The following WDR3 variants were observed in gnomAD, a reference collection of about 807,000 sequenced individuals.
WDR3 encodes the protein WD repeat domain 3.
A neutral mutation model predicts 123.7 loss-of-function variants in WDR3; 81 were observed. That is an observed-to-expected ratio of 0.65 (90% confidence interval 0.55 to 0.79). The LOEUF is 0.79. Ranked by LOEUF, WDR3 falls within the 30% of genes least tolerant of loss-of-function variation. The pLI, the probability that WDR3 is intolerant of heterozygous loss-of-function variation, is 0.00. For synonymous variants in WDR3, 390 were observed against 388.8 expected (o/e 1.00, Z -0.04); for missense variants, 1,027 against 1,123.2 (o/e 0.91, Z 1.22).
chr1:117,936,840 C>T lies in WDR3; in HGVS notation c.453C>T (p.Ala151=). ...ACCGTCTAAAGGGGCACAAGGATGC[C>T]ATCACACAAGCATTGTTTCTACGAG... is the stretch of plus-strand genomic sequence containing the variant. The part of the protein sequence containing the change: ...GLYRLKGHKD[A]ITQALFLREK... Residue 151 remains alanine (A), a synonymous_variant, in exon 4 of 27, where the codon GCC becomes GCT. Transcript: ENST00000349139. 1.2e-6 allele frequency: 2 copies of T among 1,613,444 alleles called. No individual in the cohort carries two copies. Among genetic ancestry groups the T allele is most frequent in the South Asian group, 1.1e-5 (1 of 91,026 alleles).
rs147355005 is a variant in WDR3, at chr1:117,959,342, C to T, written c.2727C>T (p.Cys909=). The T allele has an allele frequency of 2.7e-4, 432 of 1,613,338 alleles. 3 individuals are homozygous for T. In the African/African-American group the frequency reaches 4.7e-3, roughly 18 times the overall value. ...MAGLDYLKRE[C]EAKSEVMFFA... The stretch of plus-strand genomic sequence containing the variant: ...GTCTTGATTATCTCAAGAGGGAATG[C>T]GAGGCAAAAAGTGAAGTTATGTTTT... The change falls in exon 27 of 27, where the codon TGC becomes TGT. Residue 909 remains cysteine, a synonymous_variant. Transcript: ENST00000349139.
rs139595449 is a variant in WDR3, at chr1:117,955,323, T to G, written c.2418T>G (p.Ala806=). ...LMAYGSISPS[A]YVLEIFKGIK... ...TAATCCTTCCTTTATAGCCTTCAGC[T>G]TATGTATTAGAGATTTTTAAAGGGA... The change falls in exon 24 of 27, where the codon GCT becomes GCG. Residue 806 remains alanine, a synonymous_variant. Transcript: ENST00000349139. 2.5e-5 allele frequency: 41 copies of G among 1,612,096 alleles called. No individual in the cohort carries two copies. Among genetic ancestry groups the G allele is most frequent in the Non-Finnish European group, 3.5e-5 (41 of 1,178,800 alleles).
intron 12 of WDR3, among the ~76,000 whole-genome samples, chr1:117,947,578 G>T (rs944392161): frequency 1.3e-5 from 2 of 152,076 alleles, no homozygotes; most frequent in African/African-American, 4.8e-5. Context: ...TGCAATTGTC[G>T]GCTTACTGGC....
intron 24 of WDR3, 82 bp downstream of exon 24, chr1:117,955,440 A>G: frequency 7.8e-7 from 1 of 1,281,240 alleles, no homozygotes; most frequent in South Asian, 1.3e-5. Context: ...AATAAATAGA[A>G]ATTATAATTG....
Position 117,962,882 on chromosome 1 carries a change from A to C in WDR3, c.*3435A>C, listed in dbSNP as rs74715265. 0.034 allele frequency: 5,131 copies of C among 152,324 alleles called. 117 individuals are homozygous for C. The highest frequency in any genetic ancestry group is 0.051 in the Non-Finnish European group (3,474 of 68,050). 9.4% of individuals were successfully genotyped at this position (152,324 alleles called of 1,614,324 possible). A position where few individuals can be genotyped will look rare whatever the true frequency, so the allele number is the denominator to read the frequency against. ...TGAGCCTGCTCAATGCAGCCTTTTCAGGCCAGATTAGTCTTCAGAAAGAGA... is the reference window on the plus strand; with the variant it reads ...TGAGCCTGCTCAATGCAGCCTTTTCCGGCCAGATTAGTCTTCAGAAAGAGA... On this transcript the variant is annotated 3_prime_UTR_variant, in exon 27 of 27. Transcript: ENST00000349139.
At chr1:117,935,343 G>A (rs937795183) in intron 3 of WDR3, among the ~76,000 whole-genome samples, 2 of 151,970 alleles carry the variant, frequency 1.3e-5, no homozygotes, top group African/African-American at 2.4e-5. Flanking sequence ...AAAAGCAAAG[G>A]AATTGGAAAC....
chr1:117,941,037 G>T (rs1309378155), intron 7 of WDR3, 87 bp from the exon 8 acceptor site: 7 of 1,576,768 alleles, frequency 4.4e-6, no homozygotes, highest in African/African-American at 1.4e-5. Context: ...GAATATTTTT[G>T]TCACTTGCAC....
chr1:117,942,427 T>C lies in WDR3; in HGVS notation c.990-10T>C. ...ATAAGAGCATGATATACTTTTCTTC[T>C]TCCCTCTAGATTACATTCTAGCAAA... On this transcript the variant is annotated splice_polypyrimidine_tract_variant and intron_variant, in intron 9 of 26. Transcript: ENST00000349139. The C allele has an allele frequency of 6.2e-7, 1 of 1,609,574 alleles. No individual in the cohort carries two copies. Among genetic ancestry groups the C allele is most frequent in the Non-Finnish European group, 8.5e-7 (1 of 1,176,616 alleles).
Position 117,929,750 on chromosome 1 carries a change from G to T in WDR3, c.-65G>T, listed in dbSNP as rs1490803155. On this transcript the variant is annotated 5_prime_UTR_variant, in exon 1 of 27. Transcript: ENST00000349139. ...CGGAAGGGGCAGGTCTTGTGGGCGG[G>T]TCCAATCGGCTGGGAGCCTCGTGGA... 1 of 152,410 alleles carries T rather than the reference G, an allele frequency of 6.6e-6. No individual in the cohort carries two copies. 9.4% of individuals were successfully genotyped at this position (152,410 alleles called of 1,614,324 possible).
chr1:117,944,864 G>A (rs1651313499), intron 11 of WDR3, among the ~76,000 whole-genome samples: 1 of 152,030 alleles, frequency 6.6e-6, no homozygotes, highest in South Asian at 2.1e-4. Context: ...ACCACGCCTG[G>A]CTAATTTTTG....
chr1:117,932,753 C>T (rs886611740), intron 1 of WDR3, among the ~76,000 whole-genome samples: 43 of 152,196 alleles, frequency 2.8e-4, no homozygotes, highest in African/African-American at 9.6e-4. Flanking sequence ...GGCATGACAA[C>T]GTGACTAATT....
chr1:117,958,820 C>G, intron 25 of WDR3, 90 bp from the exon 26 acceptor site: 43 of 544,316 alleles, frequency 7.9e-5, no homozygotes, highest in Non-Finnish European at 9.2e-5. Context: ...TTTGTTGTTG[C>G]TTTGATATTG....
chr1:117,957,795 T>A (rs1273586322), intron 25 of WDR3, among the ~76,000 whole-genome samples: 1 of 152,226 alleles, frequency 6.6e-6, no homozygotes, highest in African/African-American at 2.4e-5. Flanking sequence ...AGGATGGACA[T>A]TCCTGTTTTA....
In WDR3 at chr1:117,940,838, G is replaced by T. The variant is rs147020548; in HGVS notation, c.687G>T (p.Pro229=). 24 of 1,611,342 alleles carry T rather than the reference G, an allele frequency of 1.5e-5. No homozygotes were observed. The highest frequency in any genetic ancestry group is 1.2e-4 in the African/African-American group (9 of 74,646). The change falls in exon 7 of 27, where the codon CCG becomes CCT. Residue 229 remains proline (P), a synonymous_variant. Coordinates refer to ENST00000349139, the MANE Select transcript of WDR3 (RefSeq NM_006784.3). ...TTTTTATAAAACAGATTGAAGACCC[G>T]GAAGAACCAGACCCCAAGAAAATCA... The part of the protein sequence containing the change: ...DIAYLQEIED[P]EEPDPKKIKG...
chr1:117,948,520 AT>A lies in WDR3; in HGVS notation c.1524+18del. ...TCTCCAGATCAGGTAACTAAACCAG[AT>A]TTTAAAGCCCTGGAGTTCAGCCCTG... On this transcript the variant is annotated intron_variant, in intron 13 of 26. Transcript: ENST00000349139. 1.2e-6 allele frequency: 2 copies of A among 1,603,390 alleles called. No homozygotes were observed. Among genetic ancestry groups the A allele is most frequent in the Non-Finnish European group, 1.7e-6 (2 of 1,173,510 alleles).
Position 117,938,463 on chromosome 1 carries a change from C to T in WDR3, c.501-17C>T, listed in dbSNP as rs750216301. 6.8e-6 allele frequency: 11 copies of T among 1,606,292 alleles called. No individual in the cohort carries two copies. Among genetic ancestry groups the T allele is most frequent in the East Asian group, 2.2e-5 (1 of 44,726 alleles). On this transcript the variant is annotated splice_polypyrimidine_tract_variant and intron_variant, in intron 4 of 26. Transcript: ENST00000349139. ...TCCTAAACAGGCTATATATTTTTTT[C>T]CTGTTTCTTCTTTTAGTGGGAAAGA...
At position 117,966,515 on chromosome 1, in the gene WDR3, A is replaced by C; in HGVS notation, c.*7068A>C. ...TAACTCTGATTTTGAAGATAGAATT[A>C]ATAAAGTAGAGATGCATTTTGACTT... On this transcript the variant is annotated 3_prime_UTR_variant, in exon 27 of 27. Coordinates refer to ENST00000349139, the MANE Select transcript of WDR3 (RefSeq NM_006784.3). 2 of 1,168,256 alleles carry C rather than the reference A, an allele frequency of 1.7e-6. No homozygotes were observed. Among genetic ancestry groups the C allele is most frequent in the Non-Finnish European group, 2.3e-6 (2 of 858,972 alleles). 72.4% of individuals were successfully genotyped at this position (1,168,256 alleles called of 1,614,324 possible).
chr1:117,949,670 T>A, intron 13 of WDR3, 81 bp from the exon 14 acceptor site: 4 of 1,468,668 alleles, frequency 2.7e-6, no homozygotes, highest in Non-Finnish European at 3.7e-6. Context: ...AAAAATACTT[T>A]CTTAGACTTT....
Position 117,963,814 on chromosome 1 carries a change from T to A in WDR3, c.*4367T>A. On this transcript the variant is annotated 3_prime_UTR_variant, in exon 27 of 27. Coordinates refer to ENST00000349139, the MANE Select transcript of WDR3 (RefSeq NM_006784.3). ...CTTACTGTACCTAATGTGGAGAAAC[T>A]TTACGAGACATGAAGACTCCAAGTG... 6.2e-7 allele frequency: 1 copy of A among 1,612,848 alleles called. No individual in the cohort carries two copies. The highest frequency in any genetic ancestry group is 8.5e-7 in the Non-Finnish European group (1 of 1,179,382).
Sources: allele counts gnomAD v4.1 joint callset (sites outside exome capture counted in the v4.1 genomes callset), GRCh38; gene constraint gnomAD v4.1.1; transcripts MANE v1.5; gene names NCBI Gene and HGNC (gene_info 2026-07-23, HGNC 2026-07-21).